The following KIF26B variants were observed in gnomAD, a reference collection of about 807,000 sequenced individuals.
The protein encoded by KIF26B is kinesin family member 26B, also known as kinesin-like protein KIF26B.
A neutral mutation model predicts 151.2 loss-of-function variants in KIF26B; 63 were observed. That is an observed-to-expected ratio of 0.42 (90% CI 0.34 to 0.51). The LOEUF is 0.51. KIF26B is among the 20% of genes least tolerant of loss of function. The pLI is 0.07. For synonymous variants in KIF26B, 1,357 were observed against 1,262.1 expected (o/e 1.08, Z -1.59); for missense variants, 2,813 against 2,913.6 (o/e 0.97, Z 0.79).
intron 2 of KIF26B, among the ~76,000 whole-genome samples, chr1:245,321,586 G>A (rs1468991326): frequency 1.3e-5 from 2 of 152,216 alleles, no homozygotes; most frequent in African/African-American, 4.8e-5. Context: ...TTTTGTAAAT[G>A]ATGACTATTA....
chr1:245,413,972 G>T (rs1455957402), intron 3 of KIF26B, among the ~76,000 whole-genome samples: 1 of 152,198 alleles, frequency 6.6e-6, no homozygotes, highest in Non-Finnish European at 1.5e-5. Flanking sequence ...TGGTGAAAGG[G>T]TTGAATTGTC....
At chr1:245,436,539 C>T (rs569795212) in intron 4 of KIF26B, among the ~76,000 whole-genome samples, 2 of 152,280 alleles carry the variant, frequency 1.3e-5, no homozygotes, top group African/African-American at 4.8e-5. Flanking sequence ...CTGGAGATTC[C>T]AGCAGGAGTT....
intron 2 of KIF26B, among the ~76,000 whole-genome samples, chr1:245,230,274 C>T (rs1669968599): frequency 6.6e-6 from 1 of 151,978 alleles, no homozygotes; most frequent in African/African-American, 2.4e-5. Flanking sequence ...CAGCTCCCAC[C>T]AAAAACGATG....
intron 2 of KIF26B, among the ~76,000 whole-genome samples, chr1:245,346,204 A>G (rs763651927): frequency 6.6e-5 from 10 of 151,960 alleles, no homozygotes; most frequent in South Asian, 2.1e-4. Flanking sequence ...CGGCCTCCCA[A>G]AGTGCTGGGA....
chr1:245,243,816 A>C (rs1468901243), intron 2 of KIF26B, among the ~76,000 whole-genome samples: 2 of 152,086 alleles, frequency 1.3e-5, no homozygotes, highest in Non-Finnish European at 2.9e-5. Flanking sequence ...ATGCCACTGC[A>C]CTCTAGCCTG....
At chr1:245,230,165 A>AC (rs972049744) in intron 2 of KIF26B, among the ~76,000 whole-genome samples, 38 of 151,952 alleles carry the variant, frequency 2.5e-4, no homozygotes, top group African/African-American at 8.9e-4. Context: ...AAAAAAAAAA[A>AC]AACAACAACA....
intron 2 of KIF26B, among the ~76,000 whole-genome samples, chr1:245,340,460 G>A (rs186613009): frequency 6.6e-6 from 1 of 151,748 alleles, no homozygotes; most frequent in East Asian, 1.9e-4. Flanking sequence ...TGGAACCCAC[G>A]GATACAGATG....
At chr1:245,486,439 T>C (rs539688478) in intron 4 of KIF26B, among the ~76,000 whole-genome samples, 26 of 152,238 alleles carry the variant, frequency 1.7e-4, no homozygotes, top group African/African-American at 6.3e-4. Flanking sequence ...GCTATATAAA[T>C]GGTTTCTATA....
rs957325300 is a variant in KIF26B at position 245,610,267 on chromosome 1, C to T, written c.1914+739C>T. Among the ~76,000 whole-genome samples, 15 of 152,290 alleles carry T rather than the reference C, an allele frequency of 9.8e-5. No individual in the cohort carries two copies. In the East Asian group the frequency reaches 1.3e-3, roughly 14 times the overall value. ...TGTTTGCACAGGTGAGGATACCTCC[C>T]GTGGCCTGTTATACTCATTACTCAA... On this transcript the variant is annotated intron_variant, in intron 8 of 14. Coordinates refer to ENST00000407071, the MANE Select transcript of KIF26B (RefSeq NM_018012.4).
Position 245,705,904 on chromosome 1 carries a change from G to T in KIF26B, c.*3298G>T, listed in dbSNP as rs1262024114. 6.6e-6 allele frequency: 1 copy of T among 152,224 alleles called. No homozygotes were observed. Among genetic ancestry groups the T allele is most frequent in the Non-Finnish European group, 1.5e-5 (1 of 68,048 alleles). The allele number at this position is 152,224 out of a possible 1,614,324, so 9.4% of individuals were successfully genotyped here. On this transcript the variant is annotated 3_prime_UTR_variant, in exon 15 of 15. Coordinates refer to ENST00000407071, the MANE Select transcript of KIF26B (RefSeq NM_018012.4). ...GAAGCTGTCTCTTTCATCTCTTCCG[G>T]ATTTGGAATCAGAACACTCTGCCCG...
chr1:245,677,359 C>T (rs1208457277), intron 10 of KIF26B, among the ~76,000 whole-genome samples: 1 of 152,236 alleles, frequency 6.6e-6, no homozygotes, highest in African/African-American at 2.4e-5. Context: ...GCCAGAGTCA[C>T]CTTCATCGGA....
chr1:245,660,036 G>A (rs1047267782), intron 10 of KIF26B, among the ~76,000 whole-genome samples: 29 of 151,732 alleles, frequency 1.9e-4, no homozygotes, highest in African/African-American at 7.0e-4. Context: ...GCAACAGGGC[G>A]AGACTCCATC....
At chr1:245,157,748 G>A (rs1668470252) in intron 2 of KIF26B, among the ~76,000 whole-genome samples, 1 of 152,180 alleles carries the variant, frequency 6.6e-6, no homozygotes, top group African/African-American at 2.4e-5. Flanking sequence ...TCAGTGTACC[G>A]TTTTTGTAGT....
At chr1:245,424,539 G>C (rs1199282166) in intron 4 of KIF26B, among the ~76,000 whole-genome samples, 1 of 152,182 alleles carries the variant, frequency 6.6e-6, no homozygotes, top group African/African-American at 2.4e-5. Context: ...AACTGTGGGT[G>C]GAGGTCTGGG....
chr1:245,248,669 G>C (rs547945072), intron 2 of KIF26B, among the ~76,000 whole-genome samples: 20 of 152,124 alleles, frequency 1.3e-4, no homozygotes, highest in Non-Finnish European at 2.8e-4. Flanking sequence ...AAACCTCCTC[G>C]TAAAATCTCT....
intron 2 of KIF26B, among the ~76,000 whole-genome samples, chr1:245,250,508 T>C (rs1670424169): frequency 6.6e-6 from 1 of 152,242 alleles, no homozygotes; most frequent in African/African-American, 2.4e-5. Context: ...GTCTTGGTCA[T>C]GTAATGTGCT....
chr1:245,656,446 A>T (rs530515200), intron 10 of KIF26B, among the ~76,000 whole-genome samples: 1 of 152,322 alleles, frequency 6.6e-6, no homozygotes, highest in South Asian at 2.1e-4. Context: ...ACTAAGCCAA[A>T]TGCAAGACTC....
chr1:245,350,032 A>G (rs1243079605), intron 2 of KIF26B, among the ~76,000 whole-genome samples: 3 of 151,306 alleles, frequency 2.0e-5, no homozygotes, highest in African/African-American at 7.4e-5. Context: ...AAAAAAGTGC[A>G]GAGAGTATAT....
At position 245,424,230 on chromosome 1, in the gene KIF26B, G is replaced by A. The variant is rs561401493; in HGVS notation, c.1166+4485G>A. 1.3e-4 allele frequency among the ~76,000 whole-genome samples: 20 copies of A among 152,116 alleles called. No homozygotes were observed. In the South Asian group the frequency reaches 2.5e-3, roughly 19 times the overall value. ...GAGTGCAGTGGCGCGATCTCCGCTC[G>A]CTGCAACCTCTGCCTCCCAGGTTCA... On this transcript the variant is annotated intron_variant, in intron 4 of 14. Transcript: ENST00000407071.
Sources: allele counts gnomAD v4.1 joint callset (sites outside exome capture counted in the v4.1 genomes callset), GRCh38; gene constraint gnomAD v4.1.1; transcripts MANE v1.5; gene names NCBI Gene and HGNC (gene_info 2026-07-23, HGNC 2026-07-21).